The following ZDHHC13 variants were observed in gnomAD, a reference collection of about 807,000 sequenced individuals.
The protein encoded by ZDHHC13 is zDHHC palmitoyltransferase 13.
A neutral mutation model predicts 86.0 loss-of-function variants in ZDHHC13; 85 were observed. That is an observed-to-expected ratio of 0.99 (90% CI 0.83 to 1.18). The LOEUF (loss-of-function observed/expected upper bound fraction) is 1.18. Among genes scored for constraint, ZDHHC13 ranks in the 50% most tolerant of loss-of-function variants. ZDHHC13 has a pLI of 0.00. For synonymous variants in ZDHHC13, 263 were observed against 246.4 expected (o/e 1.07, Z -0.63); for missense variants, 711 against 730.2 (o/e 0.97, Z 0.30).
At chr11:19,118,978 A>G (rs1254287240) in intron 1 of ZDHHC13, among the ~76,000 whole-genome samples, 1 of 152,214 alleles carries the variant, frequency 6.6e-6, no homozygotes, top group Admixed American at 6.5e-5. Context: ...GTGCTGTGAT[A>G]AATTAGTGAA....
intron 1 of ZDHHC13, among the ~76,000 whole-genome samples, chr11:19,133,629 A>G (rs572044204): frequency 6.6e-6 from 1 of 152,104 alleles, no homozygotes; most frequent in Non-Finnish European, 1.5e-5. Context: ...GTTAAGCAAA[A>G]CAAATGATAG....
chr11:19,170,679 T>G, intron 15 of ZDHHC13, 111 bp downstream of exon 15: 1 of 1,066,966 alleles, frequency 9.4e-7, no homozygotes, highest in African/African-American at 1.6e-5. Context: ...CCTCTGTCAC[T>G]GACTCTGTGG....
intron 1 of ZDHHC13, among the ~76,000 whole-genome samples, chr11:19,126,665 T>C (rs758688129): frequency 1.3e-4 from 20 of 152,042 alleles, no homozygotes; most frequent in Middle Eastern, 3.4e-3. Context: ...TTCCTTTCTT[T>C]GTGTTCATGA....
At chr11:19,121,631 G>C (rs1017318335) in intron 1 of ZDHHC13, among the ~76,000 whole-genome samples, 1 of 152,140 alleles carries the variant, frequency 6.6e-6, no homozygotes, top group Non-Finnish European at 1.5e-5. Context: ...ATGAGAATTT[G>C]CTTAGTCTGT....
chr11:19,144,432 A>AGAGTGTGTGTGTGTGTGTGTGT (rs377410572), intron 2 of ZDHHC13, among the ~76,000 whole-genome samples: 2 of 143,074 alleles, frequency 1.4e-5, no homozygotes, highest in African/African-American at 5.1e-5. Context: ...AGAGCTATGG[A>AGAGTGTGTGTGTGTGTGTGTGT]GTGTGTGTGT....
intron 9 of ZDHHC13, among the ~76,000 whole-genome samples, chr11:19,156,818 C>T (rs1440176191): frequency 1.3e-5 from 2 of 152,172 alleles, no homozygotes; most frequent in African/African-American, 4.8e-5. Flanking sequence ...CTGGAGTTTA[C>T]CCCCACTTAG....
At chr11:19,144,725 T>C (rs1849412347) in intron 2 of ZDHHC13, among the ~76,000 whole-genome samples, 1 of 152,204 alleles carries the variant, frequency 6.6e-6, no homozygotes, top group Admixed American at 6.5e-5. Flanking sequence ...TTTGGTTTGA[T>C]TTTTGATCCT....
At position 19,143,020 on chromosome 11, in the gene ZDHHC13, C is replaced by G; in HGVS notation, c.70C>G (p.Arg24Gly). Residue 24 changes from arginine to glycine, a missense_variant, in exon 2 of 17, where the codon CGA becomes GGA. Transcript: ENST00000446113. ...SHGPHPPGFG[R>G]YGICAHENKE... ...TGGCCCCCACCCTCCAGGATTTGGTCGATATGGCATCTGTGCACATGAAAA... is the reference window on the plus strand; with the variant it reads ...TGGCCCCCACCCTCCAGGATTTGGTGGATATGGCATCTGTGCACATGAAAA... 3 of 1,611,822 alleles carry G rather than the reference C, an allele frequency of 1.9e-6. No individual in the cohort carries two copies.
intron 4 of ZDHHC13, chr11:19,148,664 G>C (rs1419074753): frequency 6.6e-6 from 1 of 152,256 alleles, no homozygotes; most frequent in African/African-American, 2.4e-5. Flanking sequence ...TTTATCACTT[G>C]CACTCAAGAA....
intron 12 of ZDHHC13, 150 bp downstream of exon 12, chr11:19,164,513 G>A (rs368036996): frequency 7.1e-6 from 5 of 706,562 alleles, no homozygotes; most frequent in African/African-American, 3.6e-5. Flanking sequence ...ACAGCTTTCT[G>A]TCTTGAACAT....
At chr11:19,170,695 G>A in intron 15 of ZDHHC13, 127 bp downstream of exon 15, 1 of 930,780 alleles carries the variant, frequency 1.1e-6, no homozygotes, top group South Asian at 1.8e-5. Context: ...TGTGGGTCTA[G>A]CCATGTCATT....
At chr11:19,150,314 G>A (rs1320230864) in intron 5 of ZDHHC13, among the ~76,000 whole-genome samples, 1 of 152,014 alleles carries the variant, frequency 6.6e-6, no homozygotes, top group African/African-American at 2.4e-5. Context: ...CAGAAGATAG[G>A]GAGTTCACTA....
intron 1 of ZDHHC13, among the ~76,000 whole-genome samples, chr11:19,132,014 C>T (rs1163931568): frequency 6.6e-6 from 1 of 152,140 alleles, no homozygotes; most frequent in Admixed American, 6.5e-5. Flanking sequence ...CTTATACATA[C>T]TTATATTAGC....
At position 19,176,109 on chromosome 11, in the gene ZDHHC13, A is replaced by G. The variant is rs1265765984; in HGVS notation, c.*149A>G. 9.3e-6 allele frequency: 7 copies of G among 755,410 alleles called. No homozygotes were observed. The highest frequency in any genetic ancestry group is 1.3e-5 in the Non-Finnish European group (7 of 523,822). The allele number at this position is 755,410 out of a possible 1,614,324, so 46.8% of individuals were successfully genotyped here. A position where few individuals can be genotyped will look rare whatever the true frequency, so the allele number is the denominator to read the frequency against. On this transcript the variant is annotated 3_prime_UTR_variant, in exon 17 of 17. Coordinates refer to ENST00000446113, the MANE Select transcript of ZDHHC13 (RefSeq NM_019028.3). ...CCATTAGGTAAAAAAAGTTCTCAAT[A>G]AAGGCATTACAATTTTTTAGGTTTA...
chr11:19,123,559 A>G (rs7942071), intron 1 of ZDHHC13, among the ~76,000 whole-genome samples: 6,589 of 152,186 alleles, frequency 0.043, 256 homozygotes, highest in East Asian at 0.21. Context: ...CAGGTGGTAG[A>G]ATCACTTGAG....
chr11:19,174,666 T>C (rs1440278630), intron 16 of ZDHHC13, among the ~76,000 whole-genome samples: 1 of 152,212 alleles, frequency 6.6e-6, no homozygotes, highest in Non-Finnish European at 1.5e-5. Context: ...CGAAATTTAA[T>C]GGAGAAAAAA....
chr11:19,169,409 A>G (rs2133477829), intron 14 of ZDHHC13: 1 of 985,456 alleles, frequency 1.0e-6, no homozygotes, highest in Non-Finnish European at 1.2e-6. Flanking sequence ...TGGGAATCAG[A>G]GACTTAAAGA....
chr11:19,120,426 A>G (rs534039465), intron 1 of ZDHHC13, among the ~76,000 whole-genome samples: 1 of 152,338 alleles, frequency 6.6e-6, no homozygotes, highest in South Asian at 2.1e-4. Flanking sequence ...GCTGAGTTCC[A>G]TTAGTGACCA....
intron 1 of ZDHHC13, chr11:19,118,737 C>T (rs137993163): frequency 2.5e-4 from 38 of 152,332 alleles, no homozygotes; most frequent in African/African-American, 8.7e-4. Context: ...AATGTGAAGA[C>T]CTCACCTATA....
Sources: allele counts gnomAD v4.1 joint callset (sites outside exome capture counted in the v4.1 genomes callset), GRCh38; gene constraint gnomAD v4.1.1; transcripts MANE v1.5; gene names NCBI Gene and HGNC (gene_info 2026-07-23, HGNC 2026-07-21).